The following MAP3K3 variants were observed in gnomAD, a reference collection of about 807,000 sequenced individuals.
The protein encoded by MAP3K3 is MAP/ERK kinase kinase 3.
MAP3K3 carries 12 observed loss-of-function variants against 80.9 expected under a neutral mutation model. That is an observed-to-expected ratio of 0.15 (90% CI 0.10 to 0.24). MAP3K3 has a LOEUF of 0.24. Among genes scored for constraint, MAP3K3 ranks in the 10% least tolerant of loss-of-function variants. MAP3K3 has a pLI of 1.00. For missense variants in MAP3K3, 596 were observed against 834.7 expected, an observed-to-expected ratio of 0.71 and a Z score of 3.52; for synonymous variants, 272 against 307.1, an observed-to-expected ratio of 0.89 and a Z score of 1.19.
intron 6 of MAP3K3, among the ~76,000 whole-genome samples, chr17:63,678,322 CAG>C (rs2143536006): frequency 6.6e-6 from 1 of 152,272 alleles, no homozygotes; most frequent in South Asian, 2.1e-4. Flanking sequence ...AATTTACACT[CAG>C]AGTAACTTTA....
intron 6 of MAP3K3, among the ~76,000 whole-genome samples, chr17:63,672,224 A>G (rs1433295954): frequency 6.7e-6 from 1 of 150,322 alleles, no homozygotes; most frequent in Non-Finnish European, 1.5e-5. Context: ...CGGAGGTTGC[A>G]GTGAGCCGAG....
At chr17:63,687,716 G>A (rs1331901531) in intron 8 of MAP3K3, among the ~76,000 whole-genome samples, 4 of 149,264 alleles carry the variant, frequency 2.7e-5, no homozygotes, top group Non-Finnish European at 4.5e-5. Context: ...GGGGCTGGGC[G>A]CGGTGGCTCA....
chr17:63,624,523 G>A (rs2034060861), intron 1 of MAP3K3, among the ~76,000 whole-genome samples: 1 of 152,184 alleles, frequency 6.6e-6, no homozygotes, highest in Admixed American at 6.5e-5. Flanking sequence ...TTATAAGTGT[G>A]TGAGTATATG....
At chr17:63,662,848 G>A (rs1452412810) in intron 5 of MAP3K3, among the ~76,000 whole-genome samples, 1 of 135,424 alleles carries the variant, frequency 7.4e-6, no homozygotes, top group Non-Finnish European at 1.6e-5. Context: ...AGTGGAGATG[G>A]GGTTGGGCGG....
chr17:63,648,745 G>A (rs1019078311), intron 3 of MAP3K3, among the ~76,000 whole-genome samples: 1 of 152,178 alleles, frequency 6.6e-6, no homozygotes, highest in Non-Finnish European at 1.5e-5. Flanking sequence ...AACCTGGGAG[G>A]TGGAAGTTGC....
In MAP3K3 at chr17:63,689,495, C is replaced by A; in HGVS notation, c.872-49C>A. 5 of 1,542,472 alleles carry A rather than the reference C, an allele frequency of 3.2e-6. No individual in the cohort carries two copies. The South Asian group carries it at 6.0e-5, about 18-fold the overall frequency. ...CAGACCTGGTTTGTACGTTCCGCCTCGTAGCCTGGGGTGTGACTTGCTCTC... is the reference window on the plus strand; with the variant it reads ...CAGACCTGGTTTGTACGTTCCGCCTAGTAGCCTGGGGTGTGACTTGCTCTC... On this transcript the variant is annotated intron_variant, in intron 10 of 15. Transcript: ENST00000361733. The surrounding 1 kb of genome is among the most constrained non-coding windows in gnomAD (Gnocchi z 4.3).
chr17:63,636,291 C>A (rs1248169174), intron 2 of MAP3K3, among the ~76,000 whole-genome samples: 1 of 152,194 alleles, frequency 6.6e-6, no homozygotes. Context: ...GAGCTATTAA[C>A]AATTTTCTAG....
intron 3 of MAP3K3, among the ~76,000 whole-genome samples, chr17:63,650,688 GAGAGAGAGT>G (rs1598081253): frequency 1.4e-5 from 2 of 147,330 alleles, no homozygotes; most frequent in Admixed American, 6.7e-5. Flanking sequence ...GAGAGAGAGA[GAGAGAGAGT>G]TTTTTTTTTT....
chr17:63,623,173 C>T (rs929475327), intron 1 of MAP3K3, among the ~76,000 whole-genome samples: 21 of 152,262 alleles, frequency 1.4e-4, no homozygotes, highest in African/African-American at 4.8e-4. Flanking sequence ...GTGTCTTTTC[C>T]TTGATTTGCT....
At chr17:63,632,318 C>A (rs113414653) in intron 1 of MAP3K3, among the ~76,000 whole-genome samples, 1 of 151,768 alleles carries the variant, frequency 6.6e-6, no homozygotes, top group African/African-American at 2.4e-5. Context: ...ATGGGGAGAC[C>A]CCGTCTCTAC....
At chr17:63,628,362 CT>C (rs551646151) in intron 1 of MAP3K3, among the ~76,000 whole-genome samples, 226 of 141,440 alleles carry the variant, frequency 1.6e-3, no homozygotes, top group South Asian at 2.7e-3. Context: ...CTAATTCTGT[CT>C]TTTTTTTTTT....
chr17:63,667,794 T>C (rs1035753069), intron 6 of MAP3K3, among the ~76,000 whole-genome samples: 11 of 152,358 alleles, frequency 7.2e-5, no homozygotes, highest in African/African-American at 2.4e-4. Context: ...TTTATAATTT[T>C]CCATATATTC....
At position 63,681,776 on chromosome 17, in the gene MAP3K3, C is replaced by T. The variant is rs755335974; in HGVS notation, c.513C>T (p.Asn171=). The change falls in exon 7 of 16, where the codon AAC becomes AAT. Residue 171 remains asparagine (N), a synonymous_variant. Coordinates refer to ENST00000361733, the MANE Select transcript of MAP3K3 (RefSeq NM_002401.5). ...CTTTATGTGCTCTAGGCTCCCAGAA[C>T]CCTGGCCGAAGCTCACCTCCCCCTG... ...RSRHLSVSSQ[N]PGRSSPPPGY... 1 of 1,510,680 alleles carries T rather than the reference C, an allele frequency of 6.6e-7. No individual in the cohort carries two copies. The highest frequency in any genetic ancestry group is 2.5e-5 in the East Asian group (1 of 40,536). The allele number at this position is 1,510,680 out of a possible 1,614,324, so 93.6% of individuals were successfully genotyped here.
chr17:63,674,915 G>A (rs996868876), intron 6 of MAP3K3, among the ~76,000 whole-genome samples: 1 of 152,140 alleles, frequency 6.6e-6, no homozygotes, highest in African/African-American at 2.4e-5. Flanking sequence ...GCGACAACTG[G>A]GCAGTAAACA....
chr17:63,678,390 C>T (rs778736489), intron 6 of MAP3K3, among the ~76,000 whole-genome samples: 19 of 152,202 alleles, frequency 1.2e-4, no homozygotes, highest in Non-Finnish European at 1.9e-4. Context: ...CTGTTTGAGA[C>T]CATTGCAAAG....
At chr17:63,671,797 C>T (rs2143494520) in intron 6 of MAP3K3, among the ~76,000 whole-genome samples, 1 of 152,120 alleles carries the variant, frequency 6.6e-6, no homozygotes, top group South Asian at 2.1e-4. Context: ...GTTGATATAT[C>T]CTACATAAAT....
At position 63,691,086 on chromosome 17, in the gene MAP3K3, C is replaced by T. The variant is rs768206609; in HGVS notation, c.1213-16C>T. On this transcript the variant is annotated splice_polypyrimidine_tract_variant and intron_variant, in intron 12 of 15. Transcript: ENST00000361733. This position sits in a 1 kb window ranked among gnomAD's most constrained non-coding sequence, Gnocchi z 4.8. ...AGGGCCCTGAGAGCTGAGGCGACCA[C>T]TGACCCCTCCCCTAGGAGGTGAGTG... 3.1e-6 allele frequency: 5 copies of T among 1,613,692 alleles called. No homozygotes were observed. Among genetic ancestry groups the T allele is most frequent in the Non-Finnish European group, 4.2e-6 (5 of 1,179,908 alleles).
Position 63,692,830 on chromosome 17 carries a change from G to A in MAP3K3, c.1652+411G>A, listed in dbSNP as rs1425600025. Among the ~76,000 whole-genome samples, 1 of 152,198 alleles carries A rather than the reference G, an allele frequency of 6.6e-6. No individual in the cohort carries two copies. The highest frequency in any genetic ancestry group is 1.5e-5 in the Non-Finnish European group (1 of 68,042). ...TAAGTCAGGAGAGCTTCTCCCCTTG[G>A]AAAGCTATTGTGGTGGGCTGAATAA... is the stretch of plus-strand genomic sequence containing the variant. On this transcript the variant is annotated intron_variant, in intron 15 of 15. Transcript: ENST00000361733. The surrounding 1 kb of genome is among the most constrained non-coding windows in gnomAD (Gnocchi z 4.5).
chr17:63,646,635 A>T (rs932470455), intron 3 of MAP3K3, among the ~76,000 whole-genome samples: 1 of 152,172 alleles, frequency 6.6e-6, no homozygotes, highest in Non-Finnish European at 1.5e-5. Flanking sequence ...TCTGAATCTT[A>T]CCTCATTAGG....
Sources: allele counts gnomAD v4.1 joint callset (sites outside exome capture counted in the v4.1 genomes callset), GRCh38; gene constraint gnomAD v4.1.1; non-coding constraint Gnocchi (gnomAD v3.1); transcripts MANE v1.5; gene names NCBI Gene and HGNC (gene_info 2026-07-23, HGNC 2026-07-21).